Variants in SNTG2 observed in about 807,000 individuals in gnomAD.
SNTG2 encodes gamma-2-syntrophin.
In SNTG2, 74 loss-of-function variants were observed where a neutral mutation model predicts 70.9. That is an observed-to-expected ratio of 1.04 (90% CI 0.86 to 1.27). The LOEUF (loss-of-function observed/expected upper bound fraction) is 1.27. Ranked by LOEUF, SNTG2 falls within the 50% of genes most tolerant of loss-of-function variation. SNTG2 has a pLI of 0.00. For missense variants in SNTG2, 717 were observed against 690.7 expected (o/e 1.04, Z -0.43); for synonymous variants, 278 against 273.8 (o/e 1.02, Z -0.15).
At chr2:1,170,250 G>C (rs4592884) in intron 7 of SNTG2, among the ~76,000 whole-genome samples, 48,414 of 152,114 alleles carry the variant, frequency 0.32, 8,280 homozygotes, top group East Asian at 0.66. Context: ...TCATGCAACA[G>C]AAAATTCACC....
rs144762286 is a variant in SNTG2 at position 1,110,922 on chromosome 2, A to G, written c.325+12512A>G. On this transcript the variant is annotated intron_variant, in intron 4 of 16. Coordinates refer to ENST00000308624, the MANE Select transcript of SNTG2 (RefSeq NM_018968.4). ...CTGGCTACATGTGTGCAGAAACACAATGTCAGAAATCTTTTCTCACCTGGC... is the reference window on the plus strand; with the variant it reads ...CTGGCTACATGTGTGCAGAAACACAGTGTCAGAAATCTTTTCTCACCTGGC... 6.2e-4 allele frequency among the ~76,000 whole-genome samples: 94 copies of G among 152,320 alleles called. 2 individuals carry two copies. The East Asian group carries it at 0.015, about 24-fold the overall frequency.
chr2:1,116,005 GGTGGAAACA>G (rs1201001566), intron 4 of SNTG2, among the ~76,000 whole-genome samples: 1 of 152,212 alleles, frequency 6.6e-6, no homozygotes, highest in African/African-American at 2.4e-5. Flanking sequence ...AACAGACTGT[GGTGGAAACA>G]GTATCAGTTT....
At chr2:1,334,251 C>T (rs183727115) in intron 16 of SNTG2, among the ~76,000 whole-genome samples, 14 of 152,176 alleles carry the variant, frequency 9.2e-5, no homozygotes, top group Admixed American at 7.2e-4. Flanking sequence ...TATAAGCTAC[C>T]TTACTCCTGC....
intron 1 of SNTG2, among the ~76,000 whole-genome samples, chr2:1,000,393 C>G (rs1572207785): frequency 6.6e-6 from 1 of 151,596 alleles, no homozygotes; most frequent in East Asian, 1.9e-4. Context: ...GCTATATTGA[C>G]CAAGAAAAAA....
chr2:1,323,631 G>C (rs1403679567), intron 16 of SNTG2, among the ~76,000 whole-genome samples: 7 of 149,662 alleles, frequency 4.7e-5, no homozygotes, highest in Admixed American at 1.3e-4. Flanking sequence ...CAGTCACATG[G>C]CTAAGACCCC....
intron 16 of SNTG2, among the ~76,000 whole-genome samples, chr2:1,352,689 T>C (rs1272692877): frequency 6.6e-6 from 1 of 152,242 alleles, no homozygotes; most frequent in Non-Finnish European, 1.5e-5. Context: ...GTGAAACAGC[T>C]GGTCCCACTG....
intron 4 of SNTG2, among the ~76,000 whole-genome samples, chr2:1,106,698 G>A (rs1220421195): frequency 3.6e-3 from 308 of 85,356 alleles, no homozygotes; most frequent in Admixed American, 5.3e-3. Flanking sequence ...AATAGTGGAT[G>A]CGTGCTGTCA....
intron 1 of SNTG2, among the ~76,000 whole-genome samples, chr2:992,857 T>A (rs1661547908): frequency 6.6e-6 from 1 of 152,194 alleles, no homozygotes. Context: ...GGTGGTTTGT[T>A]GTGTATTCAC....
intron 2 of SNTG2, among the ~76,000 whole-genome samples, chr2:1,086,506 T>G (rs1664695520): frequency 6.6e-6 from 1 of 152,182 alleles, no homozygotes; most frequent in African/African-American, 2.4e-5. Flanking sequence ...GTGCTGAGAT[T>G]TATGACATAG....
In SNTG2 at chr2:1,051,840, A is replaced by G. The variant is rs13412175; in HGVS notation, c.73-31678A>G. On this transcript the variant is annotated intron_variant, in intron 1 of 16. Transcript: ENST00000308624. ...AGTCTCTGCAGGACCCGGAGCCAGA[A>G]GCACTCAGCTGGGCTCTCACAGAAT... Among the ~76,000 whole-genome samples the G allele has an allele frequency of 5.9e-3, 892 of 152,338 alleles. 10 individuals are homozygous for G. Among genetic ancestry groups the G allele is most frequent in the African/African-American group, 0.021 (865 of 41,578 alleles).
At chr2:1,038,014 C>T (rs1487623541) in intron 1 of SNTG2, among the ~76,000 whole-genome samples, 1 of 152,148 alleles carries the variant, frequency 6.6e-6, no homozygotes, top group Non-Finnish European at 1.5e-5. Flanking sequence ...GAAGAGTTTT[C>T]AGACTGTTTT....
intron 1 of SNTG2, among the ~76,000 whole-genome samples, chr2:991,667 C>G (rs367978674): frequency 1.3e-5 from 2 of 152,094 alleles, no homozygotes; most frequent in African/African-American, 4.8e-5. Flanking sequence ...CAACACTGTC[C>G]GCAGTAATGG....
chr2:1,283,958 A>G (rs1247238657), intron 14 of SNTG2, among the ~76,000 whole-genome samples: 1 of 152,158 alleles, frequency 6.6e-6, no homozygotes, highest in Non-Finnish European at 1.5e-5. Context: ...ATTATGTTTG[A>G]CAGCTTTAAA....
At chr2:1,346,330 G>C (rs1286797891) in intron 16 of SNTG2, 1 of 152,360 alleles carries the variant, frequency 6.6e-6, no homozygotes, top group Non-Finnish European at 1.5e-5. Context: ...GATGTCTCTG[G>C]AGGCAGGAAG....
chr2:1,045,453 T>C (rs1187244913), intron 1 of SNTG2, among the ~76,000 whole-genome samples: 1 of 152,156 alleles, frequency 6.6e-6, no homozygotes, highest in African/African-American at 2.4e-5. Context: ...TCTTTTTTTC[T>C]TTTTCAAGGT....
Position 1,274,937 on chromosome 2 carries a change from A to G in SNTG2, c.1284+7366A>G, listed in dbSNP as rs115368114. 1.4e-3 allele frequency among the ~76,000 whole-genome samples: 213 copies of G among 152,344 alleles called. 2 individuals are homozygous for G. The highest frequency in any genetic ancestry group is 5.0e-3 in the African/African-American group (209 of 41,588). ...ATAGTTCTGCAGGCTGGGAAGTTCAAGTGCATGGCACTGGCTTCTGACCAG... is the reference window on the plus strand; with the variant it reads ...ATAGTTCTGCAGGCTGGGAAGTTCAGGTGCATGGCACTGGCTTCTGACCAG... On this transcript the variant is annotated intron_variant, in intron 14 of 16. Coordinates refer to ENST00000308624, the MANE Select transcript of SNTG2 (RefSeq NM_018968.4).
intron 4 of SNTG2, among the ~76,000 whole-genome samples, chr2:1,133,661 G>A (rs1668168343): frequency 6.6e-6 from 1 of 151,118 alleles, no homozygotes; most frequent in African/African-American, 2.4e-5. Context: ...TTAAAATCAA[G>A]CTTTCATGAT....
chr2:1,171,150 A>G (rs772827786), intron 7 of SNTG2, among the ~76,000 whole-genome samples: 2 of 152,320 alleles, frequency 1.3e-5, no homozygotes, highest in Admixed American at 1.3e-4. Context: ...ATTGGGTTTT[A>G]AAAAATAATG....
intron 1 of SNTG2, among the ~76,000 whole-genome samples, chr2:1,004,228 A>C (rs1335724712): frequency 6.6e-6 from 1 of 152,236 alleles, no homozygotes; most frequent in African/African-American, 2.4e-5. Flanking sequence ...ATATTCATAA[A>C]ACTCTTACAA....
Sources: gnomAD v4.1 joint callset for allele counts (sites outside exome capture counted in the v4.1 genomes callset) on GRCh38, gnomAD v4.1.1 for gene constraint, MANE v1.5 for transcripts, NCBI Gene and HGNC (gene_info 2026-07-23, HGNC 2026-07-21) for gene names.